Variants in DOP1B observed in about 807,000 individuals in gnomAD.
DOP1B encodes DOP1 leucine zipper like protein B, also known as protein DOP1B.
In DOP1B, 174 loss-of-function variants were observed where a neutral mutation model predicts 233.5. The ratio of observed to expected loss-of-function variants is 0.75; its 90% CI spans 0.66 to 0.85. The LOEUF (loss-of-function observed/expected upper bound fraction) is 0.85. DOP1B is among the 40% of genes least tolerant of loss of function. DOP1B has a pLI of 0.00. For synonymous variants in DOP1B, 1,190 were observed against 1,185.6 expected (o/e 1.00, Z -0.08); for missense variants, 2,652 against 2,846.6 (o/e 0.93, Z 1.56).
chr21:36,227,407 C>T lies in DOP1B; in HGVS notation c.1474-279C>T, dbSNP rs374190763. 2.1e-3 allele frequency among the ~76,000 whole-genome samples: 292 copies of T among 141,342 alleles called. 1 individual carries two copies. The highest frequency in any genetic ancestry group is 5.5e-3 in the African/African-American group (206 of 37,570). The allele number at this position is 141,342 out of a possible 152,430, so 92.7% of individuals were successfully genotyped here. A position where few individuals can be genotyped will look rare whatever the true frequency, so the allele number is the denominator to read the frequency against. On this transcript the variant is annotated intron_variant, in intron 12 of 36. Transcript: ENST00000691173. The stretch of plus-strand genomic sequence containing the variant: ...CTAAACATACAAAAAATTAGCCGGG[C>T]GTGGTGGTGGGCACCTGTAGTCCCA...
At chr21:36,277,770 T>C (rs1210267308) in intron 28 of DOP1B, among the ~76,000 whole-genome samples, 1 of 152,046 alleles carries the variant, frequency 6.6e-6, no homozygotes, top group African/African-American at 2.4e-5. Context: ...TTCTCCTGCC[T>C]CAGCCTCCTG....
rs548820964 is a variant in DOP1B, at chr21:36,228,172, T to C, written c.1665+295T>C. On this transcript the variant is annotated intron_variant, in intron 13 of 36. Transcript: ENST00000691173. ...AGCAAGCCTTCATCTCTCTACAAAA[T>C]AAAAATTAGGCCAAGTACAGTGGCC... Among the ~76,000 whole-genome samples, 216 of 151,192 alleles carry C rather than the reference T, an allele frequency of 1.4e-3. 1 individual carries two copies. Among genetic ancestry groups the C allele is most frequent in the African/African-American group, 5.1e-3 (211 of 41,154 alleles).
At chr21:36,290,581 CT>C (rs2067544308) in intron 35 of DOP1B, among the ~76,000 whole-genome samples, 1 of 151,930 alleles carries the variant, frequency 6.6e-6, no homozygotes, top group Non-Finnish European at 1.5e-5. Context: ...GTTGGATCAC[CT>C]GAGTTTGGGA....
chr21:36,291,237 G>C (rs1215991257), intron 35 of DOP1B, among the ~76,000 whole-genome samples: 1 of 151,856 alleles, frequency 6.6e-6, no homozygotes, highest in East Asian at 1.9e-4. Flanking sequence ...CTCCAGCCTG[G>C]GCGAAAGAGC....
At chr21:36,233,165 C>A in intron 15 of DOP1B, 90 bp downstream of exon 15, 2 of 1,472,962 alleles carry the variant, frequency 1.4e-6, no homozygotes, top group Non-Finnish European at 1.8e-6. Context: ...GGGCAGTGGC[C>A]CACTTCTCTG....
intron 10 of DOP1B, among the ~76,000 whole-genome samples, chr21:36,221,881 GTTTGTT>G (rs2066627620): frequency 2.6e-5 from 4 of 152,052 alleles, no homozygotes; most frequent in Non-Finnish European, 5.9e-5. Flanking sequence ...CAGCCTGTTT[GTTTGTT>G]TTTGAGACGG....
rs921509005 is a variant in DOP1B at position 36,228,385 on chromosome 21, C to A, written c.1665+508C>A. Among the ~76,000 whole-genome samples the A allele has an allele frequency of 1.6e-4, 24 of 152,064 alleles. 1 individual carries two copies. The highest frequency in any genetic ancestry group is 2.6e-4 in the Non-Finnish European group (18 of 67,996). ...GGCTGAGGCTGGAGAATCTCTTGAACCTGGGAGGCGGAGGTTGCAGTGAGC... is the reference window on the plus strand; with the variant it reads ...GGCTGAGGCTGGAGAATCTCTTGAAACTGGGAGGCGGAGGTTGCAGTGAGC... On this transcript the variant is annotated intron_variant, in intron 13 of 36. Coordinates refer to ENST00000691173, the MANE Select transcript of DOP1B (RefSeq NM_001320714.2).
rs904278308 is a variant in DOP1B, at chr21:36,239,912, C to T, written c.3024C>T (p.Thr1008=). ...TCCTGCTGCTGCTGCAGCCAAAAAC[C>T]CAGAGAACCTCCATCCACTGCCTCA... ...PVLLLLLQPK[T]QRTSIHCLKQ... The change falls in exon 18 of 37, where the codon ACC becomes ACT. Residue 1008 remains threonine, a synonymous_variant. Transcript: ENST00000691173. The T allele has an allele frequency of 8.7e-6, 14 of 1,610,572 alleles. No homozygotes were observed. Among genetic ancestry groups the T allele is most frequent in the Non-Finnish European group, 1.2e-5 (14 of 1,179,540 alleles).
intron 11 of DOP1B, among the ~76,000 whole-genome samples, chr21:36,225,305 C>T (rs2066669607): frequency 1.3e-5 from 2 of 151,934 alleles, no homozygotes; most frequent in Non-Finnish European, 2.9e-5. Flanking sequence ...TCTTGTCTCA[C>T]TGCAACCTCT....
At chr21:36,184,203 C>T (rs1019910163) in intron 2 of DOP1B, among the ~76,000 whole-genome samples, 1 of 152,090 alleles carries the variant, frequency 6.6e-6, no homozygotes, top group Non-Finnish European at 1.5e-5. Flanking sequence ...TGTGCACCAC[C>T]ACACCTGGCT....
At chr21:36,238,372 T>C (rs1302204180) in intron 16 of DOP1B, among the ~76,000 whole-genome samples, 2 of 152,152 alleles carry the variant, frequency 1.3e-5, no homozygotes, top group Non-Finnish European at 2.9e-5. Context: ...ACTCTAATAC[T>C]GAGTTCTGAA....
intron 5 of DOP1B, among the ~76,000 whole-genome samples, chr21:36,209,279 G>T (rs2066465000): frequency 1.3e-5 from 2 of 152,132 alleles, no homozygotes; most frequent in African/African-American, 2.4e-5. Context: ...CCACCACCAT[G>T]CCCGGCTAAT....
intron 2 of DOP1B, among the ~76,000 whole-genome samples, chr21:36,173,719 G>T (rs560683026): frequency 6.6e-6 from 1 of 152,024 alleles, no homozygotes; most frequent in Non-Finnish European, 1.5e-5. Context: ...CGCCGCGCCC[G>T]GCCCAAGAAA....
In DOP1B at chr21:36,239,998, T is replaced by TG. The variant is rs770625475; in HGVS notation, c.3067+49dup. On this transcript the variant is annotated intron_variant, in intron 18 of 36. Transcript: ENST00000691173. ...GACCCGAGGGTGAGGGAGGAATGGG[T>TG]GGGGGGACTGGACCTCAGCAGTGAT... The TG allele has an allele frequency of 1.6e-5, 25 of 1,561,036 alleles. No individual in the cohort carries two copies. In the South Asian group the frequency reaches 2.9e-4, roughly 18 times the overall value.
chr21:36,248,972 G>A (rs2067001754), intron 21 of DOP1B, among the ~76,000 whole-genome samples: 1 of 151,746 alleles, frequency 6.6e-6, no homozygotes. Flanking sequence ...AGGTGTGGTA[G>A]CACGTGTCTG....
At chr21:36,281,930 G>T (rs971517263) in intron 32 of DOP1B, among the ~76,000 whole-genome samples, 15 of 152,108 alleles carry the variant, frequency 9.9e-5, no homozygotes, top group Non-Finnish European at 1.3e-4. Context: ...TTTTGGACAG[G>T]ACAAACATTC....
At chr21:36,175,039 G>GA (rs1397870134) in intron 2 of DOP1B, among the ~76,000 whole-genome samples, 6 of 152,132 alleles carry the variant, frequency 3.9e-5, no homozygotes, top group Non-Finnish European at 7.4e-5. Flanking sequence ...GCCTGGCTTG[G>GA]AGATGGTGTC....
chr21:36,203,235 C>T (rs181621591), intron 4 of DOP1B, among the ~76,000 whole-genome samples: 2 of 152,112 alleles, frequency 1.3e-5, no homozygotes, highest in Non-Finnish European at 2.9e-5. Flanking sequence ...AAACCAAATG[C>T]AGTGTGGCAC....
chr21:36,261,292 G>A (rs2067168025), intron 24 of DOP1B: 2 of 969,464 alleles, frequency 2.1e-6, no homozygotes, highest in African/African-American at 3.6e-5. Context: ...ATGAACCCAG[G>A]AGGCGGAGGT....
Sources: allele counts gnomAD v4.1 joint callset (sites outside exome capture counted in the v4.1 genomes callset), GRCh38; gene constraint gnomAD v4.1.1; transcripts MANE v1.5; gene names NCBI Gene and HGNC (gene_info 2026-07-23, HGNC 2026-07-21).